The following SGCZ variants were observed in gnomAD, a reference collection of about 807,000 sequenced individuals.
The protein encoded by SGCZ is zeta-sarcoglycan.
SGCZ carries 40 observed loss-of-function variants against 41.3 expected under a neutral mutation model. The ratio of observed to expected loss-of-function variants is 0.97; its 90% CI spans 0.75 to 1.26. The LOEUF (loss-of-function observed/expected upper bound fraction) is 1.26, where lower values mean the gene tolerates loss of function less well. Among genes scored for constraint, SGCZ ranks in the 50% most tolerant of loss-of-function variants. The pLI is 0.00. For missense variants in SGCZ, 552 were observed against 369.8 expected, an observed-to-expected ratio of 1.49 and a Z score of -4.04; for synonymous variants, 206 against 137.5, an observed-to-expected ratio of 1.50 and a Z score of -3.49.
intron 1 of SGCZ, among the ~76,000 whole-genome samples, chr8:14,759,147 A>T (rs1799776291): frequency 6.6e-6 from 1 of 152,152 alleles, no homozygotes; most frequent in Admixed American, 6.6e-5. Flanking sequence ...GCTTCCAGAA[A>T]GTATAATTCT....
chr8:14,694,729 G>A (rs1382799056), intron 1 of SGCZ, among the ~76,000 whole-genome samples: 1 of 151,926 alleles, frequency 6.6e-6, no homozygotes, highest in Non-Finnish European at 1.5e-5. Flanking sequence ...ACAGAATTAT[G>A]GTTACTTAAA....
At chr8:14,193,544 G>A (rs1805172845) in intron 4 of SGCZ, among the ~76,000 whole-genome samples, 1 of 151,962 alleles carries the variant, frequency 6.6e-6, no homozygotes, top group African/African-American at 2.4e-5. Context: ...ATTATTTCAT[G>A]TTCTATTAAA....
chr8:14,280,933 G>T (rs1389267158), intron 3 of SGCZ, among the ~76,000 whole-genome samples: 2 of 90,842 alleles, frequency 2.2e-5, no homozygotes, highest in Non-Finnish European at 4.8e-5. Flanking sequence ...AAACTACCGG[G>T]TGAATAAAAG....
chr8:14,491,854 A>T (rs1002208757), intron 2 of SGCZ, among the ~76,000 whole-genome samples: 6 of 112,762 alleles, frequency 5.3e-5, no homozygotes, highest in African/African-American at 2.1e-4. Flanking sequence ...ATTTTGACCC[A>T]TTAGAAATGA....
At chr8:14,472,297 A>G (rs528720907) in intron 2 of SGCZ, among the ~76,000 whole-genome samples, 3 of 152,050 alleles carry the variant, frequency 2.0e-5, no homozygotes, top group East Asian at 3.9e-4. Flanking sequence ...AAAGGCTTAT[A>G]TTTTATTTAA....
chr8:14,525,256 G>A (rs1343268230), intron 2 of SGCZ, among the ~76,000 whole-genome samples: 3 of 152,064 alleles, frequency 2.0e-5, no homozygotes, highest in Non-Finnish European at 4.4e-5. Context: ...TCTTTAGCCA[G>A]GTGAAACCTG....
At chr8:14,804,430 A>T (rs931985664) in intron 1 of SGCZ, among the ~76,000 whole-genome samples, 1 of 139,152 alleles carries the variant, frequency 7.2e-6, no homozygotes, top group Non-Finnish European at 1.6e-5. Context: ...TCCGTGAAGA[A>T]CGCAGAAGCC....
In SGCZ at chr8:14,614,567, G is replaced by T. The variant is rs186805474; in HGVS notation, c.40-59641C>A. 1.2e-3 allele frequency among the ~76,000 whole-genome samples: 179 copies of T among 152,172 alleles called. 2 individuals carry two copies. The highest frequency in any genetic ancestry group is 4.4e-5 in the Non-Finnish European group (3 of 67,990). ...ATTTAATACTCTCCTTTTGTGAATA[G>T]TAGCTTGAACCATCAAAATTCAAAC... On this transcript the variant is annotated intron_variant, in intron 1 of 7. Transcript: ENST00000382080.
intron 1 of SGCZ, among the ~76,000 whole-genome samples, chr8:14,612,250 ATG>A (rs750823887): frequency 0.19 from 28,920 of 152,032 alleles, 3,545 homozygotes; most frequent in Non-Finnish European, 0.28. Flanking sequence ...TGATTGGATC[ATG>A]GGGTCAGTCT....
intron 1 of SGCZ, among the ~76,000 whole-genome samples, chr8:14,686,413 A>G (rs1388106112): frequency 2.0e-5 from 3 of 152,162 alleles, no homozygotes; most frequent in Non-Finnish European, 2.9e-5. Flanking sequence ...AGCAAGAACA[A>G]TTAGGAGATT....
intron 3 of SGCZ, among the ~76,000 whole-genome samples, chr8:14,275,621 G>A (rs1025732531): frequency 6.6e-6 from 1 of 152,178 alleles, no homozygotes; most frequent in Non-Finnish European, 1.5e-5. Flanking sequence ...ACTGTCCTGA[G>A]CTAGTGTTAG....
At chr8:14,343,572 T>C (rs1402742093) in intron 2 of SGCZ, among the ~76,000 whole-genome samples, 1 of 152,144 alleles carries the variant, frequency 6.6e-6, no homozygotes, top group African/African-American at 2.4e-5. Flanking sequence ...TGTTCAGAAA[T>C]AGCATAGTGC....
At chr8:14,164,031 A>C (rs1804131113) in intron 5 of SGCZ, among the ~76,000 whole-genome samples, 1 of 152,106 alleles carries the variant, frequency 6.6e-6, no homozygotes, top group African/African-American at 2.4e-5. Flanking sequence ...CCTTTTTTAA[A>C]ATTTTAATTT....
intron 2 of SGCZ, among the ~76,000 whole-genome samples, chr8:14,475,369 A>T (rs907943353): frequency 2.6e-5 from 4 of 152,154 alleles, no homozygotes; most frequent in African/African-American, 9.7e-5. Context: ...TAAATTTTGT[A>T]ATTTGTATAT....
chr8:14,739,068 C>T (rs1239830300), intron 1 of SGCZ, among the ~76,000 whole-genome samples: 1 of 151,902 alleles, frequency 6.6e-6, no homozygotes, highest in South Asian at 2.1e-4. Flanking sequence ...GATCTGTTCC[C>T]CTGAAAACAT....
chr8:14,927,425 A>T (rs1799792189), intron 1 of SGCZ, among the ~76,000 whole-genome samples: 1 of 152,108 alleles, frequency 6.6e-6, no homozygotes, highest in Admixed American at 6.6e-5. Context: ...CTGATTCTTA[A>T]ACTCCAAAAA....
intron 4 of SGCZ, among the ~76,000 whole-genome samples, chr8:14,195,045 A>G (rs1805221322): frequency 6.6e-6 from 1 of 152,112 alleles, no homozygotes. Context: ...CCAAAAAGTA[A>G]AATGTACATC....
At chr8:14,469,575 C>G (rs1310141917) in intron 2 of SGCZ, among the ~76,000 whole-genome samples, 1 of 151,950 alleles carries the variant, frequency 6.6e-6, no homozygotes, top group Non-Finnish European at 1.5e-5. Context: ...GAAGTGGTGT[C>G]TCTTTGTACG....
At chr8:14,569,760 G>A (rs367723871) in intron 1 of SGCZ, among the ~76,000 whole-genome samples, 60 of 152,304 alleles carry the variant, frequency 3.9e-4, no homozygotes, top group African/African-American at 1.4e-3. Context: ...GAAGTTTTGA[G>A]TAAAGTCCAG....
Sources: allele counts gnomAD v4.1 joint callset (sites outside exome capture counted in the v4.1 genomes callset), GRCh38; gene constraint gnomAD v4.1.1; transcripts MANE v1.5; gene names NCBI Gene and HGNC (gene_info 2026-07-23, HGNC 2026-07-21).